ZPBP: variants seen among roughly 807,000 people sequenced by gnomAD.
ZPBP encodes zona pellucida-binding protein 1.
Under a neutral mutation model 44.8 loss-of-function variants are expected in ZPBP, and 26 were observed. The observed-to-expected ratio is 0.58, with a 90% CI of 0.43 to 0.81. ZPBP has a LOEUF of 0.81. Ranked by LOEUF, ZPBP falls within the 30% of genes least tolerant of loss-of-function variation. The pLI, the probability that ZPBP is intolerant of heterozygous loss-of-function variation, is 0.00. For missense variants in ZPBP, 409 were observed against 434.0 expected, an observed-to-expected ratio of 0.94 and a Z score of 0.51; for synonymous variants, 174 against 153.2, an observed-to-expected ratio of 1.14 and a Z score of -1.00.
intron 4 of ZPBP, among the ~76,000 whole-genome samples, chr7:50,034,157 C>T (rs536591563): frequency 6.6e-6 from 1 of 150,942 alleles, no homozygotes; most frequent in South Asian, 2.1e-4. Flanking sequence ...TTATTAGATT[C>T]TAGCTTTGTC....
chr7:49,984,595 T>C (rs750147977), intron 6 of ZPBP, among the ~76,000 whole-genome samples: 6 of 152,016 alleles, frequency 3.9e-5, no homozygotes, highest in Non-Finnish European at 7.4e-5. Flanking sequence ...GAGTTCACAA[T>C]AGGGTTTGTG....
At chr7:49,874,047 A>C (rs1223318508) in intron 2 of ZPBP, among the ~76,000 whole-genome samples, 1 of 151,966 alleles carries the variant, frequency 6.6e-6, no homozygotes, top group Non-Finnish European at 1.5e-5. Context: ...TATAGCATAC[A>C]TGGCATATTT....
chr7:49,969,631 A>T (rs993967958), intron 7 of ZPBP, among the ~76,000 whole-genome samples: 1 of 151,902 alleles, frequency 6.6e-6, no homozygotes, highest in African/African-American at 2.4e-5. Context: ...CTGATTAGAA[A>T]AGTATGAGAA....
intron 7 of ZPBP, chr7:49,943,899 T>C (rs1794992529): frequency 3.5e-6 from 1 of 287,004 alleles, no homozygotes; most frequent in Non-Finnish European, 6.7e-6. Flanking sequence ...TACTGACTCA[T>C]GATCTTTTCT....
At position 50,076,715 on chromosome 7, in the gene ZPBP, A is replaced by G. The variant is rs151036860; in HGVS notation, c.334+5059T>C. Among the ~76,000 whole-genome samples the G allele has an allele frequency of 8.2e-4, 125 of 151,864 alleles. No individual in the cohort carries two copies. In the Middle Eastern group the frequency reaches 0.031, roughly 37 times the overall value. On this transcript the variant is annotated intron_variant, in intron 3 of 7. Transcript: ENST00000046087. ...AAAGTGAAAGATCTCTATAATGAAA[A>G]CTATAAAACACCTGATGAAGGAAAC...
chr7:50,091,210 G>GA (rs1802977513), intron 1 of ZPBP, among the ~76,000 whole-genome samples: 1 of 151,964 alleles, frequency 6.6e-6, no homozygotes, highest in African/African-American at 2.4e-5. Flanking sequence ...GTAGATTCTA[G>GA]ATATAGATTC....
chr7:49,881,575 A>G (rs1233463469), intron 2 of ZPBP, among the ~76,000 whole-genome samples: 1 of 152,168 alleles, frequency 6.6e-6, no homozygotes, highest in African/African-American at 2.4e-5. Flanking sequence ...TTAGCCCCAC[A>G]AAATGTGTGC....
At chr7:49,962,130 A>G (rs1002267152) in intron 7 of ZPBP, among the ~76,000 whole-genome samples, 1 of 151,956 alleles carries the variant, frequency 6.6e-6, no homozygotes, top group Non-Finnish European at 1.5e-5. Flanking sequence ...AAGAAGAGGA[A>G]AGAACTGCAA....
chr7:49,859,760 T>C (rs937327536), intron 2 of ZPBP, among the ~76,000 whole-genome samples: 1 of 151,714 alleles, frequency 6.6e-6, no homozygotes. Context: ...CCTACAGATG[T>C]ACTTGATGTG....
intron 1 of ZPBP, among the ~76,000 whole-genome samples, chr7:49,927,389 T>A (rs1366568869): frequency 6.6e-6 from 1 of 152,124 alleles, no homozygotes; most frequent in Non-Finnish European, 1.5e-5. Context: ...TGTTTGCTAG[T>A]GGATATCCAG....
intron 6 of ZPBP, among the ~76,000 whole-genome samples, chr7:50,002,407 A>C (rs1798139296): frequency 6.6e-6 from 1 of 152,150 alleles, no homozygotes; most frequent in Non-Finnish European, 1.5e-5. Context: ...AAATCATATC[A>C]GACAGGGTAT....
chr7:50,024,171 G>A (rs562989476), intron 5 of ZPBP, among the ~76,000 whole-genome samples: 5 of 151,920 alleles, frequency 3.3e-5, no homozygotes, highest in East Asian at 3.9e-4. Flanking sequence ...TAGTGGTGAC[G>A]GTGTGGAGAA....
At position 50,070,924 on chromosome 7, in the gene ZPBP, G is replaced by C. The variant is rs146778886; in HGVS notation, c.334+10850C>G. On this transcript the variant is annotated intron_variant, in intron 3 of 7. Transcript: ENST00000046087. ...CAGGGTCTTCACAATGCCTGGGAAA[G>C]GGGGAGAGATAAGGCTCACTAGCCA... 3.4e-3 allele frequency among the ~76,000 whole-genome samples: 515 copies of C among 152,288 alleles called. 3 individuals carry two copies. The highest frequency in any genetic ancestry group is 0.012 in the African/African-American group (482 of 41,558).
At chr7:50,011,990 C>T (rs377482868) in intron 6 of ZPBP, among the ~76,000 whole-genome samples, 1 of 149,286 alleles carries the variant, frequency 6.7e-6, no homozygotes, top group African/African-American at 2.5e-5. Flanking sequence ...AAGACTGCAC[C>T]ACTGCACTCC....
downstream of ZPBP, among the ~76,000 whole-genome samples, chr7:49,845,433 T>C (rs973324434): frequency 9.9e-5 from 15 of 152,196 alleles, no homozygotes; most frequent in Admixed American, 3.9e-4. Context: ...ATTATTACTA[T>C]CAATATATTA....
intron 4 of ZPBP, among the ~76,000 whole-genome samples, chr7:50,035,564 T>C (rs1799791624): frequency 6.6e-6 from 1 of 152,184 alleles, no homozygotes; most frequent in African/African-American, 2.4e-5. Flanking sequence ...GTCAAAGTAC[T>C]GTTAGAAATT....
intron 5 of ZPBP, among the ~76,000 whole-genome samples, chr7:50,018,980 A>G (rs750907536): frequency 9.2e-5 from 14 of 152,064 alleles, no homozygotes; most frequent in Non-Finnish European, 7.4e-5. Context: ...CATCTGAGAA[A>G]TGTTCCTATT....
At chr7:50,067,328 T>C (rs369579621) in intron 3 of ZPBP, among the ~76,000 whole-genome samples, 10 of 152,266 alleles carry the variant, frequency 6.6e-5, no homozygotes, top group Admixed American at 5.2e-4. Context: ...TTTTTTTACT[T>C]CCAGCAGTTA....
intron 2 of ZPBP, among the ~76,000 whole-genome samples, chr7:49,866,604 T>G (rs774372519): frequency 6.6e-6 from 1 of 152,180 alleles, no homozygotes; most frequent in Non-Finnish European, 1.5e-5. Context: ...GCCTCCTTCT[T>G]GATGGGATGA....
Sources: gnomAD v4.1 joint callset for allele counts (sites outside exome capture counted in the v4.1 genomes callset) on GRCh38, gnomAD v4.1.1 for gene constraint, MANE v1.5 for transcripts, NCBI Gene and HGNC (gene_info 2026-07-23, HGNC 2026-07-21) for gene names.